The following LYST variants were observed in gnomAD, a reference collection of about 807,000 sequenced individuals.
LYST encodes lysosomal-trafficking regulator.
A neutral mutation model predicts 413.6 loss-of-function variants in LYST; 192 were observed. The ratio of observed to expected loss-of-function variants is 0.46; its 90% CI spans 0.41 to 0.52. The LOEUF (loss-of-function observed/expected upper bound fraction) is 0.52. Ranked by LOEUF, LYST falls within the 20% of genes least tolerant of loss-of-function variation. The pLI is 0.00. For synonymous variants in LYST, 1,525 were observed against 1,567.3 expected (o/e 0.97, Z 0.64); for missense variants, 3,815 against 4,499.9 (o/e 0.85, Z 4.35).
intron 22 of LYST, among the ~76,000 whole-genome samples, chr1:235,762,384 G>T (rs1414454226): frequency 2.0e-5 from 3 of 152,148 alleles, no homozygotes; most frequent in African/African-American, 7.2e-5. Context: ...AGTATTGGGT[G>T]GCCATTTATC....
At chr1:235,853,054 C>G (rs753867118) in intron 1 of LYST, 2 of 170,380 alleles carry the variant, frequency 1.2e-5, no homozygotes, top group Non-Finnish European at 2.9e-5. Flanking sequence ...TGACTAATTA[C>G]AGCTGTACTT....
At chr1:235,738,382 C>G (rs1572109376) in intron 31 of LYST, 2 of 1,613,082 alleles carry the variant, frequency 1.2e-6, no homozygotes, top group Non-Finnish European at 8.5e-7. Context: ...TAAAATACAG[C>G]CCGAACTGCA....
chr1:235,728,160 T>G, intron 37 of LYST, 29 bp from the exon 38 acceptor site: 2 of 1,512,778 alleles, frequency 1.3e-6, no homozygotes, highest in South Asian at 1.1e-5. Context: ...TATAAGGGTT[T>G]TAAAATGTAT....
chr1:235,829,133 G>A (rs1675657891), intron 3 of LYST: 1 of 152,202 alleles, frequency 6.6e-6, no homozygotes, highest in Non-Finnish European at 1.5e-5. Flanking sequence ...GAACCCGGAG[G>A]TGGAGGTTGC....
At chr1:235,713,529 T>A (rs1054658879) in intron 42 of LYST, among the ~76,000 whole-genome samples, 6 of 152,194 alleles carry the variant, frequency 3.9e-5, no homozygotes, top group Non-Finnish European at 7.3e-5. Context: ...AAACCTGTGG[T>A]TCTCAACCAG....
intron 31 of LYST, chr1:235,736,979 A>G (rs1664878180): frequency 6.6e-6 from 1 of 152,178 alleles, no homozygotes; most frequent in African/African-American, 2.4e-5. Context: ...TCACATGATT[A>G]AAAACAAAAT....
intron 12 of LYST, 100 bp from the exon 13 acceptor site, chr1:235,788,945 G>T: frequency 9.6e-7 from 1 of 1,046,880 alleles, no homozygotes; most frequent in Non-Finnish European, 1.5e-6. Context: ...TTCATTTGTA[G>T]TAGGTTATCT....
At chr1:235,751,417 A>G in intron 27 of LYST, 55 bp from the exon 28 acceptor site, 31 of 1,421,522 alleles carry the variant, frequency 2.2e-5, no homozygotes, top group Non-Finnish European at 3.0e-5. Context: ...TAATTTTTTA[A>G]TTGAACTGAT....
chr1:235,737,921 G>GGTGTA, intron 31 of LYST: 46 of 1,176,852 alleles, frequency 3.9e-5, no homozygotes, highest in Admixed American at 2.5e-4. Context: ...CGACGAGTCT[G>GGTGTA]GATCTCACTG....
chr1:235,838,029 A>G (rs774747433), intron 1 of LYST, among the ~76,000 whole-genome samples: 1 of 152,228 alleles, frequency 6.6e-6, no homozygotes, highest in Non-Finnish European at 1.5e-5. Context: ...TGGAAGGAAC[A>G]GTGGCAGTTC....
At chr1:235,845,724 C>G (rs1051193984) in intron 1 of LYST, among the ~76,000 whole-genome samples, 15 of 152,194 alleles carry the variant, frequency 9.9e-5, no homozygotes, top group African/African-American at 3.6e-4. Flanking sequence ...CTTTCCCCCA[C>G]TTCCCTGACA....
In LYST at chr1:235,744,017, T is replaced by C. The variant is rs1045514978; in HGVS notation, c.8113A>G (p.Ile2705Val). ...SSVFNPFQKE[I>V]FTYLVEGFKV... Reference sequence around the variant, plus strand: ...AATCCTTCTACCAGATATGTAAAAATTTCTTTCTGAAATGGATTGAAAACA... The same window carrying C: ...AATCCTTCTACCAGATATGTAAAAACTTCTTTCTGAAATGGATTGAAAACA... Residue 2705 changes from isoleucine to valine, a missense_variant, in exon 30 of 53, where the codon ATT (isoleucine) becomes GTT (valine). Around this residue, in one of 4 missense-constraint regions of LYST, gnomAD observed 771 missense variants for 837.1 expected, o/e 0.92. Coordinates refer to ENST00000389793, the MANE Select transcript of LYST (RefSeq NM_000081.4). The C allele has an allele frequency of 2.6e-6, 4 of 1,544,294 alleles. No homozygotes were observed. In the African/African-American group the frequency reaches 5.4e-5, roughly 21 times the overall value.
rs1659261479 is a variant in LYST, at chr1:235,674,983, A to C, written c.11038+2108T>G. On this transcript the variant is annotated intron_variant, in intron 50 of 52. Transcript: ENST00000389793. The surrounding 1 kb of genome is among the most constrained non-coding windows in gnomAD (Gnocchi z 4.1). ...GATCAAGGCAAAGGCTTATAGAAAA[A>C]GCTCTTACCAAAACCTCTCTCGATT... 6.6e-6 allele frequency among the ~76,000 whole-genome samples: 1 copy of C among 152,178 alleles called. No individual in the cohort carries two copies.
intron 38 of LYST, among the ~76,000 whole-genome samples, chr1:235,725,810 A>G (rs952751803): frequency 4.6e-5 from 7 of 152,136 alleles, no homozygotes; most frequent in African/African-American, 1.7e-4. Context: ...TGAGAAAAGA[A>G]TCACTGGAAG....
At chr1:235,723,962 T>G in intron 39 of LYST, 66 bp downstream of exon 39, 9 of 1,300,098 alleles carry the variant, frequency 6.9e-6, no homozygotes, top group East Asian at 2.3e-5. Context: ...GTAATCAGTA[T>G]GAGTATAGTT....
intron 3 of LYST, chr1:235,827,775 A>C (rs146951440): frequency 1.1e-5 from 10 of 919,362 alleles, no homozygotes; most frequent in Non-Finnish European, 1.3e-5. Flanking sequence ...TTAACTTATG[A>C]CCTAAATAAT....
At chr1:235,673,511 A>C (rs542788757) in intron 50 of LYST, among the ~76,000 whole-genome samples, 1 of 152,122 alleles carries the variant, frequency 6.6e-6, no homozygotes, top group South Asian at 2.1e-4. Context: ...ACATCCTCAG[A>C]TGATTGCACC....
chr1:235,709,516 C>G (rs1243818950), intron 43 of LYST, among the ~76,000 whole-genome samples: 1 of 141,278 alleles, frequency 7.1e-6, no homozygotes, highest in East Asian at 1.9e-4. Flanking sequence ...CTAATGCTAT[C>G]ATAATTAAAT....
intron 21 of LYST, among the ~76,000 whole-genome samples, chr1:235,763,660 T>C (rs1244415063): frequency 1.3e-5 from 2 of 151,904 alleles, no homozygotes; most frequent in East Asian, 1.9e-4. Flanking sequence ...GGTTTCGCTA[T>C]GTTGACCAGG....
Sources: gnomAD v4.1 joint callset for allele counts (sites outside exome capture counted in the v4.1 genomes callset) on GRCh38, gnomAD v4.1.1 for gene constraint, gnomAD v4.1.1 regional missense constraint, Gnocchi (gnomAD v3.1) non-coding constraint, MANE v1.5 for transcripts, NCBI Gene and HGNC (gene_info 2026-07-23, HGNC 2026-07-21) for gene names.